Variants in NAV2 observed in about 807,000 individuals in gnomAD.
NAV2 encodes the protein helicase, APC down-regulated 1.
NAV2 carries 54 observed loss-of-function variants against 223.2 expected under a neutral mutation model. The observed-to-expected ratio is 0.24, with a 90% CI of 0.19 to 0.30. NAV2 has a LOEUF of 0.30. Ranked by LOEUF, NAV2 falls within the 10% of genes least tolerant of loss-of-function variation. The pLI is 1.00. For missense variants in NAV2, 2,806 were observed against 3,147.5 expected (o/e 0.89, Z 2.60); for synonymous variants, 1,279 against 1,239.3 (o/e 1.03, Z -0.67).
At chr11:20,101,758 C>G (rs2061658879) in intron 32 of NAV2, among the ~76,000 whole-genome samples, 1 of 152,208 alleles carries the variant, frequency 6.6e-6, no homozygotes, top group South Asian at 2.1e-4. Context: ...AATAGATTGG[C>G]TCCTGCTTCA....
intron 22 of NAV2, among the ~76,000 whole-genome samples, chr11:20,076,520 C>G (rs1465671065): frequency 6.6e-6 from 1 of 152,198 alleles, no homozygotes; most frequent in Non-Finnish European, 1.5e-5. Context: ...TGCCTAATGG[C>G]TTCTTCAGTC....
chr11:19,679,309 T>TA (rs2048810143), intron 1 of NAV2, among the ~76,000 whole-genome samples: 1 of 152,134 alleles, frequency 6.6e-6, no homozygotes. Context: ...CACATGCCTG[T>TA]AGTCTCAGCT....
chr11:20,053,218 G>GA (rs60421659), intron 17 of NAV2, among the ~76,000 whole-genome samples: 127 of 40,978 alleles, frequency 3.1e-3, no homozygotes, highest in African/African-American at 6.6e-3. Flanking sequence ...ACTACGTCTC[G>GA]AAAAAAAAAA....
At chr11:19,403,283 CTT>C (rs1278470440) in intron 1 of NAV2, among the ~76,000 whole-genome samples, 3 of 152,294 alleles carry the variant, frequency 2.0e-5, no homozygotes, top group East Asian at 3.9e-4. Flanking sequence ...AACCAATACA[CTT>C]TTCTGGAGTG....
chr11:19,468,423 C>T (rs1475786732), intron 1 of NAV2, among the ~76,000 whole-genome samples: 1 of 152,096 alleles, frequency 6.6e-6, no homozygotes. Context: ...TCTTCCAGTT[C>T]CTGGAAGGCA....
At chr11:19,785,195 C>T (rs1321697464) in intron 1 of NAV2, among the ~76,000 whole-genome samples, 1 of 152,156 alleles carries the variant, frequency 6.6e-6, no homozygotes, top group African/African-American at 2.4e-5. Flanking sequence ...AGAAGAGGCC[C>T]CATGACAAGT....
chr11:20,054,099 C>T lies in NAV2; in HGVS notation c.4501C>T (p.Leu1501Phe), dbSNP rs756420361. ...GTCCAGGTATACTCCCACCTCCCAGCTTCGCACGCAAGAAGATGCAAAAGA... is the reference window on the plus strand; with the variant it reads ...GTCCAGGTATACTCCCACCTCCCAGTTTCGCACGCAAGAAGATGCAAAAGA... Reference protein sequence around the residue: ...KGLRYTPTSQLRTQEDAKEWL... With the variant: ...KGLRYTPTSQFRTQEDAKEWL... The change falls in exon 18 of 38, where the codon CTT (leucine) becomes TTT (phenylalanine). Residue 1501 changes from leucine to phenylalanine, a missense_variant. This residue lies in a region of NAV2 where 742 missense variants were observed against 777.9 expected (regional missense o/e 0.95). Coordinates refer to ENST00000349880, the MANE Select transcript of NAV2 (RefSeq NM_145117.5). The T allele has an allele frequency of 3.7e-6, 6 of 1,612,744 alleles. No individual in the cohort carries two copies. The highest frequency in any genetic ancestry group is 5.1e-6 in the Non-Finnish European group (6 of 1,179,770).
chr11:19,977,147 C>T (rs1053000669), intron 10 of NAV2, among the ~76,000 whole-genome samples: 1 of 152,178 alleles, frequency 6.6e-6, no homozygotes, highest in African/African-American at 2.4e-5. Flanking sequence ...TGGAAGCATT[C>T]CCCCAAAGGC....
intron 1 of NAV2, among the ~76,000 whole-genome samples, chr11:19,382,540 GCAA>G (rs1848884184): frequency 6.6e-6 from 1 of 152,172 alleles, no homozygotes; most frequent in Non-Finnish European, 1.5e-5. Flanking sequence ...TTGCTTCACG[GCAA>G]CAACAGCTCT....
intron 11 of NAV2, among the ~76,000 whole-genome samples, chr11:20,025,482 G>C (rs970770837): frequency 4.6e-5 from 7 of 152,150 alleles, no homozygotes; most frequent in Non-Finnish European, 1.0e-4. Context: ...GTGTAGCTGA[G>C]GTCAGCAGAC....
intron 1 of NAV2, among the ~76,000 whole-genome samples, chr11:19,619,374 C>T (rs893588549): frequency 2.6e-5 from 4 of 152,114 alleles, no homozygotes; most frequent in African/African-American, 9.7e-5. Context: ...ACAGTCCCAC[C>T]AACAGTGTAA....
At chr11:19,568,702 G>A (rs115883128) in intron 1 of NAV2, among the ~76,000 whole-genome samples, 2,311 of 152,298 alleles carry the variant, frequency 0.015, 43 homozygotes, top group African/African-American at 0.052. Context: ...CAAAGATGGT[G>A]AGCACTTGCC....
intron 2 of NAV2, among the ~76,000 whole-genome samples, chr11:19,839,609 G>A (rs1183138340): frequency 3.9e-5 from 6 of 152,220 alleles, no homozygotes; most frequent in Non-Finnish European, 2.9e-5. Flanking sequence ...TGGGGAGCCA[G>A]TTTTTGTCTC....
chr11:19,691,173 G>A lies in NAV2; in HGVS notation c.76-141311G>A, dbSNP rs372947492. The stretch of plus-strand genomic sequence containing the variant: ...CCAGGGATCACACTTAGATAAACAG[G>A]CTCTAGGCCAGCGTTATCCAGTAGA... On this transcript the variant is annotated intron_variant, in intron 1 of 37. Transcript: ENST00000360655. Among the ~76,000 whole-genome samples, 9 of 152,056 alleles carry A rather than the reference G, an allele frequency of 5.9e-5. No individual in the cohort carries two copies. In the South Asian group the frequency reaches 1.7e-3, roughly 28 times the overall value.
intron 1 of NAV2, among the ~76,000 whole-genome samples, chr11:19,367,842 C>T (rs1003917018): frequency 6.6e-6 from 1 of 152,212 alleles, no homozygotes; most frequent in Non-Finnish European, 1.5e-5. Flanking sequence ...CCAGAAGATG[C>T]ATTAATGGAG....
intron 1 of NAV2, among the ~76,000 whole-genome samples, chr11:19,646,797 T>C (rs2047827320): frequency 6.6e-6 from 1 of 152,152 alleles, no homozygotes; most frequent in Non-Finnish European, 1.5e-5. Flanking sequence ...AATTTATAGA[T>C]ATAGAACATG....
intron 1 of NAV2, among the ~76,000 whole-genome samples, chr11:19,747,967 G>A (rs1565248100): frequency 6.6e-6 from 1 of 152,170 alleles, no homozygotes; most frequent in Non-Finnish European, 1.5e-5. Context: ...GTAGGGAGAT[G>A]GTTTGCAGCC....
chr11:19,799,738 T>C (rs1342101970), intron 1 of NAV2, among the ~76,000 whole-genome samples: 1 of 152,108 alleles, frequency 6.6e-6, no homozygotes, highest in East Asian at 1.9e-4. Context: ...CCAAGTGCAG[T>C]AGAGATAATG....
At chr11:19,884,202 C>A in intron 5 of NAV2, 2 of 889,716 alleles carry the variant, frequency 2.2e-6, no homozygotes, top group East Asian at 2.6e-5. Context: ...CAGCAACATC[C>A]CCATTGTCAG....
Sources: gnomAD v4.1 joint callset for allele counts (sites outside exome capture counted in the v4.1 genomes callset) on GRCh38, gnomAD v4.1.1 for gene constraint, gnomAD v4.1.1 regional missense constraint, MANE v1.5 for transcripts, NCBI Gene and HGNC (gene_info 2026-07-23, HGNC 2026-07-21) for gene names.